HS6ST3: variants seen among roughly 807,000 people sequenced by gnomAD.
HS6ST3 encodes the protein heparan sulfate 6-O-sulfotransferase 3.
A neutral mutation model predicts 36.7 loss-of-function variants in HS6ST3; 12 were observed. The observed-to-expected ratio is 0.33, with a 90% CI of 0.21 to 0.53. The LOEUF is 0.53. HS6ST3 is among the 20% of genes least tolerant of loss of function. The pLI is 0.95. For synonymous variants in HS6ST3, 240 were observed against 257.5 expected, an observed-to-expected ratio of 0.93 and a Z score of 0.65; for missense variants, 584 against 640.9, an observed-to-expected ratio of 0.91 and a Z score of 0.96.
At chr13:96,683,391 A>C (rs2056724808) in intron 1 of HS6ST3, among the ~76,000 whole-genome samples, 1 of 152,226 alleles carries the variant, frequency 6.6e-6, no homozygotes, top group South Asian at 2.1e-4. Context: ...CCTTAGCAGA[A>C]TTTTTACTGA....
intron 1 of HS6ST3, among the ~76,000 whole-genome samples, chr13:96,385,669 T>G (rs915747997): frequency 6.6e-6 from 1 of 152,238 alleles, no homozygotes; most frequent in African/African-American, 2.4e-5. Flanking sequence ...ATTCTTAATA[T>G]GTAAATGTAG....
intron 1 of HS6ST3, among the ~76,000 whole-genome samples, chr13:96,625,189 T>C (rs978477246): frequency 6.6e-6 from 1 of 152,208 alleles, no homozygotes; most frequent in African/African-American, 2.4e-5. Context: ...AATAACTTCC[T>C]GGTGTTGCCA....
At chr13:96,445,180 T>C (rs1007390192) in intron 1 of HS6ST3, among the ~76,000 whole-genome samples, 10 of 152,214 alleles carry the variant, frequency 6.6e-5, no homozygotes, top group African/African-American at 2.4e-4. Flanking sequence ...TGGCCTTTCT[T>C]CAGTGTAATT....
At chr13:96,364,174 T>C (rs2055252403) in intron 1 of HS6ST3, among the ~76,000 whole-genome samples, 1 of 152,192 alleles carries the variant, frequency 6.6e-6, no homozygotes, top group Non-Finnish European at 1.5e-5. Flanking sequence ...CCATGTACAC[T>C]GCTGGTTGGA....
intron 1 of HS6ST3, among the ~76,000 whole-genome samples, chr13:96,160,986 A>T (rs1014831264): frequency 2.0e-5 from 3 of 152,158 alleles, no homozygotes; most frequent in African/African-American, 7.2e-5. Context: ...TCCTGGTTTG[A>T]TTCTGTACTT....
intron 1 of HS6ST3, among the ~76,000 whole-genome samples, chr13:96,538,339 A>G (rs761682941): frequency 2.6e-5 from 4 of 152,394 alleles, no homozygotes; most frequent in Non-Finnish European, 4.4e-5. Flanking sequence ...TATATTAATT[A>G]TAGAGATCTA....
intron 1 of HS6ST3, among the ~76,000 whole-genome samples, chr13:96,814,075 A>G (rs1397529897): frequency 1.3e-5 from 2 of 152,106 alleles, no homozygotes; most frequent in East Asian, 1.9e-4. Context: ...GCTCTCCTGT[A>G]TGTTTCCTTA....
At chr13:96,577,697 C>G (rs1594810840) in intron 1 of HS6ST3, among the ~76,000 whole-genome samples, 1 of 152,084 alleles carries the variant, frequency 6.6e-6, no homozygotes, top group Non-Finnish European at 1.5e-5. Flanking sequence ...TGAACACACA[C>G]TTCTCAAAAG....
At chr13:96,741,931 A>G (rs1876448829) in intron 1 of HS6ST3, among the ~76,000 whole-genome samples, 1 of 152,138 alleles carries the variant, frequency 6.6e-6, no homozygotes, top group Admixed American at 6.6e-5. Context: ...CCCTCTTCCC[A>G]TTCATGCTAC....
chr13:96,183,796 C>T (rs6492839), intron 1 of HS6ST3, among the ~76,000 whole-genome samples: 140,413 of 152,196 alleles, frequency 0.92, 64,895 homozygotes, highest in African/African-American at 0.94. Flanking sequence ...TAGTGTTTAA[C>T]GGGTATGAAG....
intron 1 of HS6ST3, among the ~76,000 whole-genome samples, chr13:96,344,650 A>AC (rs1166571410): frequency 1.3e-5 from 2 of 152,180 alleles, no homozygotes; most frequent in Admixed American, 1.3e-4. Context: ...AGTGGTACAC[A>AC]CTGACCCTGA....
intron 1 of HS6ST3, among the ~76,000 whole-genome samples, chr13:96,778,495 C>G (rs1006970309): frequency 6.6e-6 from 1 of 152,096 alleles, no homozygotes; most frequent in Admixed American, 6.5e-5. Context: ...ACAACCCCAT[C>G]AAAAAGTGGA....
intron 1 of HS6ST3, among the ~76,000 whole-genome samples, chr13:96,623,356 A>G (rs2138996079): frequency 6.6e-6 from 1 of 151,976 alleles, no homozygotes; most frequent in South Asian, 2.1e-4. Context: ...CCTCATTTTT[A>G]TTCATTATTT....
chr13:96,375,154 T>C (rs1030697426), intron 1 of HS6ST3, among the ~76,000 whole-genome samples: 1 of 152,128 alleles, frequency 6.6e-6, no homozygotes, highest in African/African-American at 2.4e-5. Flanking sequence ...TCTGGCCTTT[T>C]CTTGCCTTGT....
At chr13:96,596,945 A>G (rs186175121) in intron 1 of HS6ST3, among the ~76,000 whole-genome samples, 3 of 152,298 alleles carry the variant, frequency 2.0e-5, no homozygotes, top group Admixed American at 1.3e-4. Flanking sequence ...ATGCCCCTCA[A>G]TGATAGCCTA....
intron 1 of HS6ST3, among the ~76,000 whole-genome samples, chr13:96,281,091 C>G (rs2054773810): frequency 6.6e-6 from 1 of 152,134 alleles, no homozygotes; most frequent in African/African-American, 2.4e-5. Context: ...ACTGCAACCT[C>G]TGCCTCCTGG....
chr13:96,252,767 C>T (rs1287823618), intron 1 of HS6ST3, among the ~76,000 whole-genome samples: 1 of 151,998 alleles, frequency 6.6e-6, no homozygotes, highest in East Asian at 1.9e-4. Context: ...TGGCGCTGCC[C>T]TCACAATACT....
At position 96,139,716 on chromosome 13, in the gene HS6ST3, T is replaced by A. The variant is rs911389314; in HGVS notation, c.707+48147T>A. Among the ~76,000 whole-genome samples the A allele has an allele frequency of 2.0e-5, 3 of 152,014 alleles. No homozygotes were observed. In the East Asian group the frequency reaches 5.8e-4, roughly 29 times the overall value. The stretch of plus-strand genomic sequence containing the variant: ...GACTACAGTGTATGAAACATAGCAA[T>A]GATTACAAAGTTTATATATTTATTT... On this transcript the variant is annotated intron_variant, in intron 1 of 1. Coordinates refer to ENST00000376705, the MANE Select transcript of HS6ST3 (RefSeq NM_153456.4).
chr13:96,769,924 A>G (rs1877221143), intron 1 of HS6ST3, among the ~76,000 whole-genome samples: 4 of 152,208 alleles, frequency 2.6e-5, no homozygotes, highest in Admixed American at 2.6e-4. Context: ...ATAGTTATTC[A>G]GAATGAATTG....
Sources: allele counts gnomAD v4.1 joint callset (sites outside exome capture counted in the v4.1 genomes callset), GRCh38; gene constraint gnomAD v4.1.1; transcripts MANE v1.5; gene names NCBI Gene and HGNC (gene_info 2026-07-23, HGNC 2026-07-21).